Variants in TEAD1 observed in about 807,000 individuals in gnomAD.
TEAD1 encodes transcriptional enhancer factor TEF-1.
Under a neutral mutation model 54.9 loss-of-function variants are expected in TEAD1, and 9 were observed. The ratio of observed to expected loss-of-function variants is 0.16; its 90% CI spans 0.10 to 0.29. TEAD1 has a LOEUF of 0.29. TEAD1 is among the 10% of genes least tolerant of loss of function. TEAD1 has a pLI of 1.00. For missense variants in TEAD1, 387 were observed against 535.9 expected (o/e 0.72, Z 2.74); for synonymous variants, 200 against 187.8 (o/e 1.07, Z -0.53).
chr11:12,796,434 G>A (rs1945925086), intron 3 of TEAD1, among the ~76,000 whole-genome samples: 1 of 152,190 alleles, frequency 6.6e-6, no homozygotes, highest in Non-Finnish European at 1.5e-5. Flanking sequence ...ACGATGTTTA[G>A]CAATTCTTAG....
intron 2 of TEAD1, 143 bp from the exon 3 acceptor site, chr11:12,764,036 A>AAAACCATGTGTATCCCC: frequency 1.6e-6 from 1 of 617,294 alleles, no homozygotes; most frequent in African/African-American, 1.8e-5. Flanking sequence ...CGTGTAACCC[A>AAAACCATGTGTATCCCC]AAACCATGTG....
chr11:12,923,083 A>G (rs959754028), intron 10 of TEAD1, among the ~76,000 whole-genome samples: 1 of 152,010 alleles, frequency 6.6e-6, no homozygotes, highest in Non-Finnish European at 1.5e-5. Flanking sequence ...GTATATATAT[A>G]TATACATACT....
intron 2 of TEAD1, among the ~76,000 whole-genome samples, chr11:12,743,993 G>A (rs927131178): frequency 1.3e-5 from 2 of 152,288 alleles, no homozygotes; most frequent in African/African-American, 4.8e-5. Flanking sequence ...TGTACCAGTC[G>A]GGTACTGGAG....
intron 2 of TEAD1, among the ~76,000 whole-genome samples, chr11:12,694,714 C>T (rs1943542193): frequency 6.6e-6 from 1 of 152,164 alleles, no homozygotes; most frequent in Non-Finnish European, 1.5e-5. Context: ...GAGTGTGACT[C>T]ATTTTCATTT....
chr11:12,835,636 A>G (rs945339081), intron 3 of TEAD1, among the ~76,000 whole-genome samples: 3 of 152,168 alleles, frequency 2.0e-5, no homozygotes, highest in Admixed American at 1.3e-4. Flanking sequence ...AGGTTTTTAA[A>G]TGGTAACACT....
chr11:12,805,204 C>T (rs550916542), intron 3 of TEAD1, among the ~76,000 whole-genome samples: 95 of 152,264 alleles, frequency 6.2e-4, no homozygotes, highest in African/African-American at 2.1e-3. Context: ...TATAAGTGAG[C>T]AGGCATGTCA....
In TEAD1 at chr11:12,868,062, C is replaced by T. The variant is rs59339880; in HGVS notation, c.330+3162C>T. ...CATGTGAAGACCGAAACCAGACTTG[C>T]ATTTGTCTGTCCCTCTGTGGAGTTG... On this transcript the variant is annotated intron_variant, in intron 5 of 12. Transcript: ENST00000527636. 3.4e-3 allele frequency among the ~76,000 whole-genome samples: 525 copies of T among 152,284 alleles called. 4 individuals are homozygous for T. Among genetic ancestry groups the T allele is most frequent in the African/African-American group, 0.012 (487 of 41,552 alleles).
intron 3 of TEAD1, among the ~76,000 whole-genome samples, chr11:12,768,243 C>A (rs569231987): frequency 7.9e-5 from 12 of 152,296 alleles, no homozygotes; most frequent in Admixed American, 4.6e-4. Flanking sequence ...ACTTCTCTGT[C>A]TCAATTTCCT....
chr11:12,779,679 C>T (rs1049344126), intron 3 of TEAD1, among the ~76,000 whole-genome samples: 3 of 152,150 alleles, frequency 2.0e-5, no homozygotes, highest in Admixed American at 6.5e-5. Context: ...ATATAAAACT[C>T]CTCCACAAAA....
intron 2 of TEAD1, among the ~76,000 whole-genome samples, chr11:12,725,886 A>G (rs1944301079): frequency 6.6e-6 from 1 of 152,200 alleles, no homozygotes; most frequent in African/African-American, 2.4e-5. Context: ...GTTTTATTGA[A>G]TTTCAGAGCC....
At chr11:12,824,766 A>G (rs1946616882) in intron 3 of TEAD1, among the ~76,000 whole-genome samples, 1 of 152,098 alleles carries the variant, frequency 6.6e-6, no homozygotes, top group African/African-American at 2.4e-5. Context: ...TAGAAGGTAG[A>G]GAGGGTTGAT....
intron 3 of TEAD1, among the ~76,000 whole-genome samples, chr11:12,833,559 T>C (rs1240031731): frequency 6.6e-6 from 1 of 152,186 alleles, no homozygotes; most frequent in African/African-American, 2.4e-5. Context: ...ATGTGGAATT[T>C]GCATTACCTC....
intron 10 of TEAD1, among the ~76,000 whole-genome samples, chr11:12,916,902 A>G (rs1238713215): frequency 2.0e-5 from 3 of 152,098 alleles, no homozygotes; most frequent in Non-Finnish European, 4.4e-5. Flanking sequence ...AAGGAGAGAA[A>G]ACTGCAGAAT....
intron 3 of TEAD1, among the ~76,000 whole-genome samples, chr11:12,835,914 C>G (rs1946880117): frequency 6.6e-6 from 1 of 152,090 alleles, no homozygotes; most frequent in South Asian, 2.1e-4. Context: ...TGATCTCTTG[C>G]ACAGCATAGT....
intron 2 of TEAD1, among the ~76,000 whole-genome samples, chr11:12,741,404 A>G (rs530835495): frequency 1.3e-5 from 2 of 152,340 alleles, no homozygotes; most frequent in East Asian, 1.9e-4. Flanking sequence ...GAGGCTCCCA[A>G]TAAAGGTAGC....
intron 10 of TEAD1, among the ~76,000 whole-genome samples, chr11:12,904,448 A>G (rs1047496261): frequency 6.6e-6 from 1 of 152,216 alleles, no homozygotes; most frequent in Non-Finnish European, 1.5e-5. Context: ...ATTGTGTTAG[A>G]GCAATGGATT....
At chr11:12,712,167 T>C (rs914959931) in intron 2 of TEAD1, among the ~76,000 whole-genome samples, 2 of 152,182 alleles carry the variant, frequency 1.3e-5, no homozygotes, top group Non-Finnish European at 2.9e-5. Context: ...TCCTCAAATA[T>C]CTCCCTCTTC....
At chr11:12,909,029 C>A (rs918884163) in intron 10 of TEAD1, among the ~76,000 whole-genome samples, 17 of 151,974 alleles carry the variant, frequency 1.1e-4, no homozygotes, top group Admixed American at 7.2e-4. Flanking sequence ...CATGAATAGA[C>A]CAGGCATCTT....
chr11:12,870,033 C>T (rs1305021827), intron 5 of TEAD1, among the ~76,000 whole-genome samples: 8 of 152,090 alleles, frequency 5.3e-5, no homozygotes, highest in East Asian at 1.9e-4. Context: ...GCGCTCATCA[C>T]GACACTCAGC....
Sources: allele counts gnomAD v4.1 joint callset (sites outside exome capture counted in the v4.1 genomes callset), GRCh38; gene constraint gnomAD v4.1.1; transcripts MANE v1.5; gene names NCBI Gene and HGNC (gene_info 2026-07-23, HGNC 2026-07-21).